PCDHA2: variants seen among roughly 807,000 people sequenced by gnomAD.
The protein encoded by PCDHA2 is protocadherin alpha-2.
A neutral mutation model predicts 66.0 loss-of-function variants in PCDHA2; 58 were observed. The ratio of observed to expected loss-of-function variants is 0.88; its 90% CI spans 0.71 to 1.09. The LOEUF is 1.09. Ranked by LOEUF, PCDHA2 falls within the 50% of genes least tolerant of loss-of-function variation. PCDHA2 has a pLI of 0.00. For synonymous variants in PCDHA2, 634 were observed against 554.0 expected, an observed-to-expected ratio of 1.14 and a Z score of -2.03; for missense variants, 1,267 against 1,242.3, an observed-to-expected ratio of 1.02 and a Z score of -0.30.
At chr5:140,808,546 G>C in intron 1 of PCDHA2, 1 of 1,614,122 alleles carries the variant, frequency 6.2e-7, no homozygotes, top group African/African-American at 1.3e-5. Context: ...ACAACGCTCC[G>C]GCGTTCGCGC....
chr5:140,986,853 A>G (rs1424493333), intron 3 of PCDHA2, among the ~76,000 whole-genome samples: 3 of 152,206 alleles, frequency 2.0e-5, no homozygotes, highest in Admixed American at 6.5e-5. Flanking sequence ...AGCAACACCA[A>G]CAATACCCGG....
At chr5:140,929,316 C>A in intron 1 of PCDHA2, 1 of 1,556,954 alleles carries the variant, frequency 6.4e-7, no homozygotes, top group South Asian at 1.2e-5. Flanking sequence ...ACGCTAATGT[C>A]AATGCCATGG....
rs2043502208 is a variant in PCDHA2 at position 140,855,508 on chromosome 5, C to T, written c.2388+58156C>T. ...AGTGTCTAAATAAACCTTATTAAATCTCAAAATAATGAGAAAGAGAAGTAA... is the reference window on the plus strand; with the variant it reads ...AGTGTCTAAATAAACCTTATTAAATTTCAAAATAATGAGAAAGAGAAGTAA... On this transcript the variant is annotated intron_variant, in intron 1 of 3. Transcript: ENST00000526136. 1.3e-5 allele frequency among the ~76,000 whole-genome samples: 2 copies of T among 149,732 alleles called. 1 individual carries two copies. The highest frequency in any genetic ancestry group is 3.0e-5 in the Non-Finnish European group (2 of 67,030).
At chr5:140,828,203 G>T in intron 1 of PCDHA2, 1 of 1,614,078 alleles carries the variant, frequency 6.2e-7, no homozygotes, top group Non-Finnish European at 8.5e-7. Flanking sequence ...CGTACCCGAG[G>T]AGGCCAAACA....
intron 1 of PCDHA2, among the ~76,000 whole-genome samples, chr5:140,941,231 C>CTTTCTTTCTTTCTT (rs1563186950): frequency 5.1e-5 from 7 of 136,876 alleles, no homozygotes; most frequent in East Asian, 2.1e-4. Context: ...TTCTTTCTTT[C>CTTTCTTTCTTTCTT]TTTCTTTCTT....
At chr5:140,870,442 G>C (rs1562644426) in intron 1 of PCDHA2, 2 of 1,614,236 alleles carry the variant, frequency 1.2e-6, no homozygotes, top group Non-Finnish European at 1.7e-6. Context: ...GGTGGCCGAC[G>C]TGAACGACAA....
intron 1 of PCDHA2, chr5:140,805,447 G>A (rs1483503770): frequency 9.6e-7 from 1 of 1,036,964 alleles, no homozygotes; most frequent in African/African-American, 1.7e-5. Context: ...TTGTGTGTGT[G>A]TGTTTGTGTG....
At chr5:140,966,463 TC>T in intron 1 of PCDHA2, 1 of 429,360 alleles carries the variant, frequency 2.3e-6, no homozygotes, top group Non-Finnish European at 4.0e-6. Flanking sequence ...CCCTCTGTCT[TC>T]CCTTCTGTTT....
At chr5:140,857,839 C>A in intron 1 of PCDHA2, 1 of 1,597,776 alleles carries the variant, frequency 6.3e-7, no homozygotes, top group South Asian at 1.1e-5. Flanking sequence ...GCGCAGTGGA[C>A]GCTGACTCTG....
At chr5:140,852,191 G>A in intron 1 of PCDHA2, 1 of 725,566 alleles carries the variant, frequency 1.4e-6, no homozygotes, top group Non-Finnish European at 1.7e-6. Context: ...GAAAATGCCA[G>A]TAACGTTTAT....
chr5:140,968,989 C>T, intron 1 of PCDHA2: 1 of 1,614,234 alleles, frequency 6.2e-7, no homozygotes, highest in Non-Finnish European at 8.5e-7. Flanking sequence ...GCACTGCATG[C>T]TGTGGAGGCT....
intron 1 of PCDHA2, among the ~76,000 whole-genome samples, chr5:140,946,711 T>C (rs1165441185): frequency 1.3e-5 from 2 of 150,618 alleles, no homozygotes; most frequent in African/African-American, 2.5e-5. Context: ...GAGGTCATTA[T>C]GTTTAGTTAA....
Position 140,816,793 on chromosome 5 carries a change from C to T in PCDHA2, c.2388+19441C>T, listed in dbSNP as rs2126675269. 4 of 147,716 alleles carry T rather than the reference C, an allele frequency of 2.7e-5. No individual in the cohort carries two copies. The East Asian group carries it at 7.9e-4, about 29-fold the overall frequency. 9.2% of individuals were successfully genotyped at this position (147,716 alleles called of 1,614,324 possible). A position where few individuals can be genotyped will look rare whatever the true frequency, so the allele number is the denominator to read the frequency against. ...ATTCCTAATTAGAGGGATCTGCCAG[C>T]TTTTTTTTTTAAGATGCTCTAATCT... On this transcript the variant is annotated intron_variant, in intron 1 of 3. Coordinates refer to ENST00000526136, the MANE Select transcript of PCDHA2 (RefSeq NM_018905.3).
chr5:140,946,731 G>T (rs1183627101), intron 1 of PCDHA2, among the ~76,000 whole-genome samples: 1 of 150,574 alleles, frequency 6.6e-6, no homozygotes, highest in African/African-American at 2.5e-5. Flanking sequence ...AATAAGCCAG[G>T]CACAGAAAGA....
chr5:140,863,773 C>T (rs1170536480), intron 1 of PCDHA2: 19 of 234,462 alleles, frequency 8.1e-5, no homozygotes, highest in African/African-American at 3.6e-4. Context: ...CCGAGGCGGG[C>T]GGATCACTCG....
chr5:140,854,556 T>C (rs1400864251), intron 1 of PCDHA2: 1 of 150,002 alleles, frequency 6.7e-6, no homozygotes, highest in African/African-American at 2.4e-5. Flanking sequence ...TTCATAAATA[T>C]TGTTGCTCTG....
intron 1 of PCDHA2, among the ~76,000 whole-genome samples, chr5:140,903,212 A>G (rs1387552422): frequency 6.6e-6 from 1 of 152,192 alleles, no homozygotes; most frequent in African/African-American, 2.4e-5. Context: ...CACCACATTC[A>G]TGCCAACATC....
chr5:140,918,473 T>G (rs1385942505), intron 1 of PCDHA2, among the ~76,000 whole-genome samples: 1 of 152,284 alleles, frequency 6.6e-6, no homozygotes, highest in East Asian at 1.9e-4. Context: ...ATTCCAAGTC[T>G]CAAGGGGAAT....
At chr5:140,882,071 ATGGTGTC>A in intron 1 of PCDHA2, 1 of 864,194 alleles carries the variant, frequency 1.2e-6, no homozygotes, top group Non-Finnish European at 1.7e-6. Context: ...GTTCATGCGC[ATGGTGTC>A]GCTCTTCACT....
Sources: gnomAD v4.1 joint callset for allele counts (sites outside exome capture counted in the v4.1 genomes callset) on GRCh38, gnomAD v4.1.1 for gene constraint, MANE v1.5 for transcripts, NCBI Gene and HGNC (gene_info 2026-07-23, HGNC 2026-07-21) for gene names.